The following PROM1 variants were observed in gnomAD, a reference collection of about 807,000 sequenced individuals.
PROM1 encodes prominin 1, also known as prominin-1.
PROM1 carries 105 observed loss-of-function variants against 116.9 expected under a neutral mutation model. That is an observed-to-expected ratio of 0.90 (90% confidence interval 0.77 to 1.06). The LOEUF (loss-of-function observed/expected upper bound fraction) is 1.06. Among genes scored for constraint, PROM1 ranks in the 50% least tolerant of loss-of-function variants. PROM1 has a pLI of 0.00. For synonymous variants in PROM1, 393 were observed against 387.0 expected (o/e 1.02, Z -0.18); for missense variants, 1,122 against 1,045.2 (o/e 1.07, Z -1.01).
rs60492380 is a variant in PROM1, at chr4:16,033,586, C to CTTTTTTT, written c.304-84_304-78dup. On this transcript the variant is annotated intron_variant, in intron 4 of 27. Coordinates refer to ENST00000447510, the MANE Select transcript of PROM1 (RefSeq NM_006017.3). ...AGAACATTCCATGGTGTACAAAGTT[C>CTTTTTTT]TTTTTTTTTTTTTTTTTTTTTGAGA... 4.2e-4 allele frequency: 115 copies of CTTTTTTT among 272,824 alleles called. 2 individuals carry two copies. Among genetic ancestry groups the CTTTTTTT allele is most frequent in the Non-Finnish European group, 5.3e-4 (89 of 168,078 alleles). 16.9% of individuals were successfully genotyped at this position (272,824 alleles called of 1,614,324 possible).
chr4:16,005,907 G>A (rs1725354970), intron 13 of PROM1, among the ~76,000 whole-genome samples: 1 of 152,156 alleles, frequency 6.6e-6, no homozygotes, highest in Admixed American at 6.5e-5. Flanking sequence ...ATGCTTTGTC[G>A]TATCCATAGA....
At chr4:15,969,673 G>A (rs1372971958) in intron 27 of PROM1, among the ~76,000 whole-genome samples, 8 of 152,012 alleles carry the variant, frequency 5.3e-5, no homozygotes, top group Non-Finnish European at 1.2e-4. Context: ...TGCAACCTCC[G>A]TCTCCCGGGT....
intron 13 of PROM1, chr4:16,003,254 T>C (rs1724329771): frequency 2.2e-6 from 1 of 456,558 alleles, no homozygotes; most frequent in African/African-American, 2.0e-5. Context: ...CAGCTGGACA[T>C]GTAGGCTGTT....
Position 15,989,641 on chromosome 4 carries a change from G to A in PROM1, c.2076+91C>T, listed in dbSNP as rs563057297. On this transcript the variant is annotated intron_variant, in intron 19 of 27. Transcript: ENST00000447510. ...CAGTCAGCTGGGACCTATGAGAGAT[G>A]AGCATGTGTCGTGAGGCTAAATGAA... is the stretch of plus-strand genomic sequence containing the variant. 204 of 1,069,036 alleles carry A rather than the reference G, an allele frequency of 1.9e-4. 1 individual carries two copies. The African/African-American group carries it at 3.0e-3, about 15-fold the overall frequency. 66.2% of individuals were successfully genotyped at this position (1,069,036 alleles called of 1,614,324 possible).
At chr4:15,982,535 C>T (rs1379777256) in intron 23 of PROM1, among the ~76,000 whole-genome samples, 2 of 152,140 alleles carry the variant, frequency 1.3e-5, no homozygotes, top group African/African-American at 2.4e-5. Flanking sequence ...TAAATGGATG[C>T]CCAGAGCTCT....
intron 10 of PROM1, among the ~76,000 whole-genome samples, chr4:16,013,800 G>A (rs1727553025): frequency 6.6e-6 from 1 of 152,114 alleles, no homozygotes; most frequent in African/African-American, 2.4e-5. Context: ...GAGAGCCCCC[G>A]CCGCTAACAG....
chr4:16,024,686 CGTGA>C (rs1356071712), intron 6 of PROM1, among the ~76,000 whole-genome samples: 6 of 152,042 alleles, frequency 3.9e-5, no homozygotes, highest in African/African-American at 9.6e-5. Context: ...TTTGTGTGTC[CGTGA>C]GTATGTGTAC....
chr4:16,055,508 T>C, intron 2 of PROM1: 1 of 450,292 alleles, frequency 2.2e-6, no homozygotes, highest in Non-Finnish European at 4.5e-6. Flanking sequence ...CTCCCCAAAC[T>C]CACAAATTCC....
chr4:15,969,716 C>A (rs1017563175), intron 27 of PROM1, among the ~76,000 whole-genome samples: 23 of 152,074 alleles, frequency 1.5e-4, no homozygotes, highest in South Asian at 8.3e-4. Flanking sequence ...GCTGGGACTA[C>A]AGGCACCTGC....
chr4:16,039,837 T>C (rs1734789404), intron 2 of PROM1, among the ~76,000 whole-genome samples: 4 of 152,108 alleles, frequency 2.6e-5, no homozygotes, highest in Admixed American at 2.6e-4. Flanking sequence ...TAAATACTCA[T>C]TTAGAGTATT....
At chr4:16,073,048 G>A (rs551788466) in intron 2 of PROM1, among the ~76,000 whole-genome samples, 1 of 152,252 alleles carries the variant, frequency 6.6e-6, no homozygotes, top group African/African-American at 2.4e-5. Flanking sequence ...GGGGGAGACT[G>A]CTTTGAGTAA....
intron 18 of PROM1, among the ~76,000 whole-genome samples, chr4:15,990,872 A>G (rs1720805705): frequency 6.6e-6 from 1 of 152,368 alleles, no homozygotes; most frequent in East Asian, 1.9e-4. Flanking sequence ...GCGGTTATAA[A>G]TAAGACTACA....
chr4:16,010,708 G>C (rs894078094), intron 11 of PROM1, among the ~76,000 whole-genome samples: 1 of 151,724 alleles, frequency 6.6e-6, no homozygotes, highest in African/African-American at 2.4e-5. Context: ...TGGGAAGATG[G>C]AATCTCACCA....
At chr4:16,001,261 G>A (rs1350698543) in intron 13 of PROM1, among the ~76,000 whole-genome samples, 1 of 152,176 alleles carries the variant, frequency 6.6e-6, no homozygotes, top group Non-Finnish European at 1.5e-5. Context: ...GTGCCAGGGA[G>A]CGCTGATGCT....
rs556735965 is a variant in PROM1 at position 16,069,986 on chromosome 4, G to A, written c.220+5701C>T. Among the ~76,000 whole-genome samples, 271 of 152,314 alleles carry A rather than the reference G, an allele frequency of 1.8e-3. 1 individual carries two copies. Among genetic ancestry groups the A allele is most frequent in the Middle Eastern group, 3.4e-3 (1 of 294 alleles). ...TGCGATTGGCTGAAACTCAGCTAAT[G>A]CGATTGGGTAAGACTCAGCTACTTG... On this transcript the variant is annotated intron_variant, in intron 2 of 27. Transcript: ENST00000447510.
At chr4:15,991,982 G>A (rs192327586) in intron 17 of PROM1, among the ~76,000 whole-genome samples, 1 of 151,730 alleles carries the variant, frequency 6.6e-6, no homozygotes, top group East Asian at 1.9e-4. Context: ...GGGTGGTTGG[G>A]TGGTTGCCAA....
chr4:16,025,459 TC>T, intron 5 of PROM1, 147 bp from the exon 6 acceptor site: 1 of 1,034,974 alleles, frequency 9.7e-7, no homozygotes, highest in East Asian at 2.6e-5. Flanking sequence ...CCCACATCCT[TC>T]CCACCGCCAT....
chr4:15,980,946 G>GTTATTTATTTATTTATTTAT (rs59408018), intron 23 of PROM1, among the ~76,000 whole-genome samples: 3,605 of 145,206 alleles, frequency 0.025, 77 homozygotes, highest in Middle Eastern at 0.028. Flanking sequence ...CTTATGAGTT[G>GTTATTTATTTATTTATTTAT]TTATTTATTT....
At chr4:16,023,875 C>T (rs981563404) in intron 7 of PROM1, among the ~76,000 whole-genome samples, 11 of 152,208 alleles carry the variant, frequency 7.2e-5, no homozygotes, top group Admixed American at 1.3e-4. Flanking sequence ...CATCAACCCC[C>T]AGTTGAGAAG....
Sources: allele counts gnomAD v4.1 joint callset (sites outside exome capture counted in the v4.1 genomes callset), GRCh38; gene constraint gnomAD v4.1.1; transcripts MANE v1.5; gene names NCBI Gene and HGNC (gene_info 2026-07-23, HGNC 2026-07-21).